The following NUMA1 variants were observed in gnomAD, a reference collection of about 807,000 sequenced individuals.
The protein encoded by NUMA1 is nuclear mitotic apparatus protein 1, also known as SP-H antigen.
NUMA1 carries 62 observed loss-of-function variants against 237.1 expected under a neutral mutation model. That is an observed-to-expected ratio of 0.26 (90% CI 0.21 to 0.32). NUMA1 has a LOEUF of 0.32. Ranked by LOEUF, NUMA1 falls within the 10% of genes least tolerant of loss-of-function variation. The probability of loss-of-function intolerance (pLI) is 1.00; values close to 1 mark genes in which losing one functional copy is unlikely to be tolerated. For synonymous variants in NUMA1, 1,028 were observed against 1,066.1 expected, an observed-to-expected ratio of 0.96 and a Z score of 0.70; for missense variants, 2,533 against 2,666.5, an observed-to-expected ratio of 0.95 and a Z score of 1.10.
intron 2 of NUMA1, chr11:72,067,590 T>C (rs1400394845): frequency 6.6e-6 from 1 of 152,160 alleles, no homozygotes; most frequent in South Asian, 2.1e-4. Flanking sequence ...TGACTATAAG[T>C]AGAGAGTAAA....
intron 20 of NUMA1, chr11:72,008,466 C>T: frequency 3.6e-6 from 2 of 561,928 alleles, no homozygotes; most frequent in Non-Finnish European, 6.4e-6. Context: ...CCTATGGATG[C>T]TTTCAAGACT....
At chr11:72,011,548 A>T (rs969272560) in intron 16 of NUMA1, among the ~76,000 whole-genome samples, 4 of 152,210 alleles carry the variant, frequency 2.6e-5, no homozygotes, top group Non-Finnish European at 4.4e-5. Context: ...CAGGCAGCAC[A>T]GGGGAGAGGC....
chr11:72,006,078 A>T lies in NUMA1; in HGVS notation c.5649T>A (p.Ser1883=). The T allele has an allele frequency of 6.2e-7, 1 of 1,614,034 alleles. No homozygotes were observed. Among genetic ancestry groups the T allele is most frequent in the Non-Finnish European group, 8.5e-7 (1 of 1,179,938 alleles). The part of the protein sequence containing the change: ...LPGYRPTTRS[S]ARRSQAGVSS... The stretch of plus-strand genomic sequence containing the variant: ...ACACCCCGGCCTGGGAACGACGAGC[A>T]GAACTGCGAGTGGTGGGGCGGTAGC... The change falls in exon 22 of 27, where the codon TCT becomes TCA. Residue 1883 remains serine, a synonymous_variant. Coordinates refer to ENST00000393695, the MANE Select transcript of NUMA1 (RefSeq NM_006185.4).
chr11:72,069,525 A>C (rs959823524), intron 2 of NUMA1, among the ~76,000 whole-genome samples: 1 of 152,216 alleles, frequency 6.6e-6, no homozygotes, highest in African/African-American at 2.4e-5. Flanking sequence ...CAGAGAAATG[A>C]TGGCTTAAAA....
intron 3 of NUMA1, among the ~76,000 whole-genome samples, chr11:72,033,527 C>A (rs1275027000): frequency 6.6e-6 from 1 of 151,946 alleles, no homozygotes; most frequent in Admixed American, 6.6e-5. Context: ...AGCACACCAC[C>A]ACACCCAGCT....
intron 4 of NUMA1, 92 bp downstream of exon 4, chr11:72,029,113 T>C (rs757226963): frequency 6.4e-5 from 57 of 886,856 alleles, no homozygotes; most frequent in Non-Finnish European, 9.3e-5. Context: ...TTTCTGGTCA[T>C]AGCCATCATC....
intron 2 of NUMA1, among the ~76,000 whole-genome samples, chr11:72,046,229 A>G (rs937197837): frequency 5.9e-5 from 9 of 152,230 alleles, no homozygotes; most frequent in African/African-American, 2.2e-4. Context: ...AAGAGCGGGA[A>G]AGGAGTGGTA....
intron 2 of NUMA1, among the ~76,000 whole-genome samples, chr11:72,060,788 A>C (rs988686402): frequency 1.3e-5 from 2 of 152,046 alleles, no homozygotes; most frequent in Non-Finnish European, 2.9e-5. Flanking sequence ...AAAAAAAATT[A>C]GGCTAGGCAC....
chr11:72,035,103 T>C (rs955269832), intron 3 of NUMA1, among the ~76,000 whole-genome samples: 2 of 152,070 alleles, frequency 1.3e-5, no homozygotes, highest in Non-Finnish European at 2.9e-5. Context: ...GCAATCCTCC[T>C]GCCTCAGCCT....
At chr11:72,024,429 C>T in intron 4 of NUMA1, 76 bp from the exon 5 acceptor site, 1 of 1,264,906 alleles carries the variant, frequency 7.9e-7, no homozygotes, top group South Asian at 1.2e-5. Context: ...CATAGTACCT[C>T]CCCATTCCTT....
Position 72,002,871 on chromosome 11 carries a change from A to G in NUMA1, c.*656T>C, listed in dbSNP as rs569811260. 4.6e-6 allele frequency: 1 copy of G among 217,114 alleles called. No homozygotes were observed. The highest frequency in any genetic ancestry group is 9.3e-6 in the Non-Finnish European group (1 of 107,656). 13.4% of individuals were successfully genotyped at this position (217,114 alleles called of 1,614,324 possible). ...ATCAAGTCAACTCAGTACTCACGGG[A>G]GAAAAATAGACTTTATTTACAAGTA... On this transcript the variant is annotated 3_prime_UTR_variant, in exon 27 of 27. Transcript: ENST00000393695.
intron 22 of NUMA1, 146 bp from the exon 23 acceptor site, chr11:72,005,515 A>T (rs893424647): frequency 4.5e-5 from 31 of 695,072 alleles, no homozygotes; most frequent in Non-Finnish European, 9.6e-6. Context: ...CAGGTGCAGG[A>T]GTACGGCACA....
chr11:72,052,060 G>A (rs978362840), intron 2 of NUMA1, among the ~76,000 whole-genome samples: 7 of 152,174 alleles, frequency 4.6e-5, no homozygotes, highest in Admixed American at 3.9e-4. Flanking sequence ...CAGCGACAGA[G>A]GTAGAGAGAA....
At chr11:72,004,150 C>A in intron 25 of NUMA1, 51 bp from the exon 26 acceptor site, 1 of 1,610,502 alleles carries the variant, frequency 6.2e-7, no homozygotes, top group Non-Finnish European at 8.5e-7. Flanking sequence ...CTTCCCAGGC[C>A]AGCGTGCTGT....
rs868516284 is a variant in NUMA1 at position 72,013,892 on chromosome 11, T to C, written c.3611A>G (p.Lys1204Arg). 3.7e-6 allele frequency: 6 copies of C among 1,614,050 alleles called. No individual in the cohort carries two copies. The Middle Eastern group carries it at 6.6e-4, about 178-fold the overall frequency. Reference protein sequence around the residue: ...AFRTKVQDHSKAEDEWKAQVA... With the variant: ...AFRTKVQDHSRAEDEWKAQVA... ...CTGGGCCTTCCACTCATCTTCAGCC[T>C]TGCTGTGGTCTTGTACCTTGGTGCG... Residue 1204 changes from lysine (K) to arginine (R), a missense_variant, in exon 15 of 27, where the codon AAG (lysine) becomes AGG (arginine). Physicochemically the swap from Lys to Arg is conservative, Grantham distance 26. This residue lies in a region of NUMA1 where 1,414 missense variants were observed against 1,508.1 expected (regional missense o/e 0.94). Transcript: ENST00000393695. This position sits in a 1 kb window ranked among gnomAD's most constrained non-coding sequence, Gnocchi z 6.8.
chr11:72,033,434 C>T (rs958770352), intron 3 of NUMA1, among the ~76,000 whole-genome samples: 5 of 150,776 alleles, frequency 3.3e-5, no homozygotes, highest in East Asian at 1.9e-4. Context: ...TGTAGTGGCA[C>T]GATCACAGCT....
At chr11:72,060,085 TCAAA>T (rs1942860810) in intron 2 of NUMA1, among the ~76,000 whole-genome samples, 2 of 152,128 alleles carry the variant, frequency 1.3e-5, no homozygotes, top group South Asian at 4.1e-4. Flanking sequence ...AGTCCAGACA[TCAAA>T]GCTGTTTTTT....
intron 2 of NUMA1, among the ~76,000 whole-genome samples, chr11:72,058,818 C>T (rs1045195251): frequency 2.0e-5 from 3 of 152,180 alleles, no homozygotes; most frequent in Non-Finnish European, 2.9e-5. Context: ...CCCCCTCCTC[C>T]CCTTACATGT....
At chr11:72,026,944 C>T (rs991660871) in intron 4 of NUMA1, among the ~76,000 whole-genome samples, 1 of 152,192 alleles carries the variant, frequency 6.6e-6, no homozygotes, top group Non-Finnish European at 1.5e-5. Context: ...ACCTCCAAGC[C>T]CCACTTCTAC....
Sources: gnomAD v4.1 joint callset for allele counts (sites outside exome capture counted in the v4.1 genomes callset) on GRCh38, gnomAD v4.1.1 for gene constraint, gnomAD v4.1.1 regional missense constraint, Gnocchi (gnomAD v3.1) non-coding constraint, MANE v1.5 for transcripts, NCBI Gene and HGNC (gene_info 2026-07-23, HGNC 2026-07-21) for gene names.